The following SLC35F4 variants were observed in gnomAD, a reference collection of about 807,000 sequenced individuals.
SLC35F4 encodes the protein solute carrier family 35 member F4.
Under a neutral mutation model 44.2 loss-of-function variants are expected in SLC35F4, and 24 were observed. That is an observed-to-expected ratio of 0.54 (90% CI 0.39 to 0.76). The LOEUF (loss-of-function observed/expected upper bound fraction) is 0.76. Among genes scored for constraint, SLC35F4 ranks in the 30% least tolerant of loss-of-function variants. SLC35F4 has a pLI of 0.00. For synonymous variants in SLC35F4, 238 were observed against 223.6 expected (o/e 1.06, Z -0.57); for missense variants, 562 against 586.1 (o/e 0.96, Z 0.42).
At chr14:57,676,284 C>T (rs2074689660) in intron 1 of SLC35F4, among the ~76,000 whole-genome samples, 1 of 152,078 alleles carries the variant, frequency 6.6e-6, no homozygotes, top group Non-Finnish European at 1.5e-5. Flanking sequence ...TTTGCAGCAA[C>T]ATGGATAGAT....
At chr14:57,769,649 C>G (rs2077314496) in intron 1 of SLC35F4, among the ~76,000 whole-genome samples, 1 of 152,172 alleles carries the variant, frequency 6.6e-6, no homozygotes, top group South Asian at 2.1e-4. Context: ...GACAGGCATT[C>G]AACCAGAAAA....
intron 1 of SLC35F4, chr14:57,629,953 G>A (rs779272912): frequency 9.8e-6 from 5 of 507,894 alleles, no homozygotes; most frequent in African/African-American, 1.9e-5. Context: ...CAGGAATGTG[G>A]CCGATGACAC....
At chr14:57,713,547 G>A (rs1340813778) in intron 1 of SLC35F4, among the ~76,000 whole-genome samples, 1 of 152,080 alleles carries the variant, frequency 6.6e-6, no homozygotes, top group Non-Finnish European at 1.5e-5. Flanking sequence ...GCCAAATTAA[G>A]TTTTTCCCCC....
chr14:57,611,081 T>G (rs919218047), intron 1 of SLC35F4, among the ~76,000 whole-genome samples: 26 of 152,312 alleles, frequency 1.7e-4, no homozygotes, highest in African/African-American at 5.5e-4. Flanking sequence ...ACTTAAAGGC[T>G]GAGGCATAAA....
intron 1 of SLC35F4, among the ~76,000 whole-genome samples, chr14:57,728,441 C>CTTTTTTTTTTTTTTTTTTTTTTTTT (rs869064667): frequency 3.4e-5 from 2 of 59,026 alleles, no homozygotes; most frequent in African/African-American, 7.4e-5. Context: ...TTCTTTCTTT[C>CTTTTTTTTTTTTTTTTTTTTTTTTT]TTTTTTTTTT....
intron 1 of SLC35F4, among the ~76,000 whole-genome samples, chr14:57,846,718 T>C (rs1324885367): frequency 6.6e-6 from 1 of 152,204 alleles, no homozygotes; most frequent in Non-Finnish European, 1.5e-5. Context: ...TTGGAAAATC[T>C]AAAATAAACT....
At chr14:57,977,304 C>T (rs1881246650) in intron 1 of SLC35F4, among the ~76,000 whole-genome samples, 1 of 152,168 alleles carries the variant, frequency 6.6e-6, no homozygotes, top group Non-Finnish European at 1.5e-5. Context: ...GGCTGCTCTG[C>T]CGCTTGAACC....
intron 1 of SLC35F4, among the ~76,000 whole-genome samples, chr14:57,925,789 C>A (rs1164889250): frequency 2.0e-5 from 3 of 152,024 alleles, no homozygotes; most frequent in Non-Finnish European, 4.4e-5. Context: ...CATAAAAAAA[C>A]CCACTAGTTT....
chr14:57,727,691 A>G (rs752598967), intron 1 of SLC35F4, among the ~76,000 whole-genome samples: 119 of 152,102 alleles, frequency 7.8e-4, no homozygotes, highest in Admixed American at 1.3e-3. Flanking sequence ...GCGTTTTTAT[A>G]GTTTGCAATA....
chr14:57,570,730 G>T (rs1456981006), intron 5 of SLC35F4, among the ~76,000 whole-genome samples: 2 of 152,176 alleles, frequency 1.3e-5, no homozygotes, highest in African/African-American at 4.8e-5. Flanking sequence ...GATATGATTT[G>T]GTGCATGTCA....
chr14:57,811,715 C>T (rs1156345330), intron 1 of SLC35F4, among the ~76,000 whole-genome samples: 2 of 152,126 alleles, frequency 1.3e-5, no homozygotes, highest in African/African-American at 2.4e-5. Flanking sequence ...ACAAGGCAAG[C>T]GACAGTCAAG....
downstream of SLC35F4, among the ~76,000 whole-genome samples, chr14:57,973,521 G>A (rs1478333906): frequency 6.6e-6 from 1 of 152,126 alleles, no homozygotes; most frequent in East Asian, 1.9e-4. Context: ...CCTGCTGGAG[G>A]TTTTCTTATA....
At chr14:57,643,988 G>A (rs951392009) in intron 1 of SLC35F4, among the ~76,000 whole-genome samples, 5 of 152,198 alleles carry the variant, frequency 3.3e-5, no homozygotes, top group African/African-American at 1.2e-4. Context: ...TGGTGTGTAT[G>A]TGCCACATTT....
chr14:57,575,215 C>T (rs149787489), intron 4 of SLC35F4, among the ~76,000 whole-genome samples: 206 of 152,260 alleles, frequency 1.4e-3, no homozygotes, highest in African/African-American at 2.2e-3. Context: ...CAGTGGCTCA[C>T]GCCTGTAATT....
intron 1 of SLC35F4, among the ~76,000 whole-genome samples, chr14:57,927,040 T>C (rs1386012154): frequency 1.3e-5 from 2 of 152,180 alleles, no homozygotes; most frequent in African/African-American, 2.4e-5. Flanking sequence ...AAAGCCATTG[T>C]TCCAACCTTA....
intron 1 of SLC35F4, among the ~76,000 whole-genome samples, chr14:57,712,654 T>C (rs1029974974): frequency 1.3e-5 from 2 of 152,224 alleles, no homozygotes; most frequent in Non-Finnish European, 2.9e-5. Context: ...TCATTTACTT[T>C]CATTTCAGAA....
At chr14:57,763,385 G>C (rs980508970) in intron 1 of SLC35F4, among the ~76,000 whole-genome samples, 4 of 152,232 alleles carry the variant, frequency 2.6e-5, no homozygotes, top group South Asian at 2.1e-4. Context: ...AACTCATACA[G>C]ATATGAGGTA....
chr14:57,981,672 A>G (rs1472450579), intron 1 of SLC35F4, among the ~76,000 whole-genome samples: 1 of 152,130 alleles, frequency 6.6e-6, no homozygotes, highest in Non-Finnish European at 1.5e-5. Context: ...CCACGGTGGT[A>G]AATCAAACTT....
chr14:57,718,999 G>T (rs1387784388), intron 1 of SLC35F4, among the ~76,000 whole-genome samples: 2 of 152,146 alleles, frequency 1.3e-5, no homozygotes, highest in Admixed American at 1.3e-4. Flanking sequence ...AATCCATTTT[G>T]ATAAGATTTT....
Sources: allele counts gnomAD v4.1 joint callset (sites outside exome capture counted in the v4.1 genomes callset), GRCh38; gene constraint gnomAD v4.1.1; transcripts MANE v1.5; gene names NCBI Gene and HGNC (gene_info 2026-07-23, HGNC 2026-07-21).